ISG20L2: variants seen among roughly 807,000 people sequenced by gnomAD.
ISG20L2 encodes the protein interferon-stimulated 20 kDa exonuclease-like 2.
Under a neutral mutation model 27.8 loss-of-function variants are expected in ISG20L2, and 14 were observed. That is an observed-to-expected ratio of 0.50 (90% CI 0.33 to 0.79). The LOEUF is 0.79. ISG20L2 is among the 30% of genes least tolerant of loss of function. ISG20L2 has a pLI of 0.02. For missense variants in ISG20L2, 393 were observed against 435.1 expected (o/e 0.90, Z 0.86); for synonymous variants, 157 against 165.7 (o/e 0.95, Z 0.40).
intron 2 of ISG20L2, chr1:156,726,088 G>A (rs1648745452): frequency 1.0e-6 from 1 of 985,406 alleles, no homozygotes; most frequent in Non-Finnish European, 1.2e-6. Context: ...ACAGGGCTAG[G>A]AGTGAGATGA....
At chr1:156,728,287 C>T in intron 1 of ISG20L2, 128 bp downstream of exon 1, 3 of 985,894 alleles carry the variant, frequency 3.0e-6, no homozygotes, top group Non-Finnish European at 3.6e-6. Context: ...CCAAGTCCTT[C>T]TCCCACGCAA....
rs3806415 is a variant in ISG20L2, at chr1:156,728,473, C to T, written c.-176G>A. On this transcript the variant is annotated 5_prime_UTR_variant, in exon 1 of 4. Coordinates refer to ENST00000368219, the MANE Select transcript of ISG20L2 (RefSeq NM_001370150.2). ...CCGGAGCCGGATGCGGAAATCGGTG[C>T]GCGCCGACGAAGCCCGGGAAGGCAG... The T allele has an allele frequency of 0.31, 304,699 of 984,286 alleles. 49,050 individuals are homozygous for T. Among genetic ancestry groups the T allele is most frequent in the Non-Finnish European group, 0.33 (273,211 of 829,862 alleles). 61.0% of individuals were successfully genotyped at this position (984,286 alleles called of 1,614,324 possible). A position where few individuals can be genotyped will look rare whatever the true frequency, so the allele number is the denominator to read the frequency against.
Position 156,728,696 on chromosome 1 carries a change from A to G in ISG20L2, c.-399T>C. Reference sequence around the variant, plus strand: ...GGTGGTACAACGCGAAGGTGTGGGAAGGCCGCGATAAACCGGAACTGCAGC... The same window carrying G: ...GGTGGTACAACGCGAAGGTGTGGGAGGGCCGCGATAAACCGGAACTGCAGC... On this transcript the variant is annotated 5_prime_UTR_variant, in exon 1 of 4. Transcript: ENST00000368219. 1 of 990,572 alleles carries G rather than the reference A, an allele frequency of 1.0e-6. No individual in the cohort carries two copies. The highest frequency in any genetic ancestry group is 1.2e-6 in the Non-Finnish European group (1 of 832,744). 61.4% of individuals were successfully genotyped at this position (990,572 alleles called of 1,614,324 possible). A position where few individuals can be genotyped will look rare whatever the true frequency, so the allele number is the denominator to read the frequency against.
In ISG20L2 at chr1:156,724,482, T is replaced by G. The variant is rs537511202; in HGVS notation, c.748-134A>C. On this transcript the variant is annotated intron_variant, in intron 2 of 3. Transcript: ENST00000368219. ...GCCTACCTCTCCATCCTTGAAATGC[T>G]CACTCCCACAAGTTTTCTTTCTTCT... is the stretch of plus-strand genomic sequence containing the variant. 8.6e-6 allele frequency: 12 copies of G among 1,398,680 alleles called. No homozygotes were observed. The South Asian group carries it at 1.8e-4, about 21-fold the overall frequency. 86.6% of individuals were successfully genotyped at this position (1,398,680 alleles called of 1,614,324 possible). A position where few individuals can be genotyped will look rare whatever the true frequency, so the allele number is the denominator to read the frequency against.
Position 156,727,235 on chromosome 1 carries a change from T to C in ISG20L2, c.418A>G (p.Ser140Gly). The change falls in exon 2 of 4, where the codon AGC (serine) becomes GGC (glycine). Residue 140 changes from serine (S) to glycine (G), a missense_variant. Coordinates refer to ENST00000368219, the MANE Select transcript of ISG20L2 (RefSeq NM_001370150.2). ...NSHPTRSQKK[S>G]SQKKSSKKNH... ...TTTTTAGAGGATTTCTTCTGGGAGC[T>C]CTTCTTCTGAGAGCGGGTTGGGTGG... 6.2e-7 allele frequency: 1 copy of C among 1,614,010 alleles called. No homozygotes were observed. The highest frequency in any genetic ancestry group is 8.5e-7 in the Non-Finnish European group (1 of 1,180,024).
Position 156,727,585 on chromosome 1 carries a change from G to A in ISG20L2, c.68C>T (p.Ala23Val). The change falls in exon 2 of 4, where the codon GCC becomes GTC. Residue 23 changes from alanine to valine, a missense_variant. This residue lies in a region of ISG20L2 where 183 missense variants were observed against 168.2 expected (regional missense o/e 1.09). Coordinates refer to ENST00000368219, the MANE Select transcript of ISG20L2 (RefSeq NM_001370150.2). ...CTTCTTGACAAAATTTCGGTGCTTGGCATTTCCTTCTAATGCCTTTTTGGG... is the reference window on the plus strand; with the variant it reads ...CTTCTTGACAAAATTTCGGTGCTTGACATTTCCTTCTAATGCCTTTTTGGG... ...PPPKKALEGN[A>V]KHRNFVKKRR... 2 of 1,614,128 alleles carry A rather than the reference G, an allele frequency of 1.2e-6. No individual in the cohort carries two copies. The highest frequency in any genetic ancestry group is 1.3e-5 in the African/African-American group (1 of 75,034).
intron 1 of ISG20L2, 115 bp downstream of exon 1, chr1:156,728,300 A>C: frequency 1.0e-6 from 1 of 985,734 alleles, no homozygotes; most frequent in Non-Finnish European, 1.2e-6. Flanking sequence ...CCACGCAAGG[A>C]CCTTGACACC....
At chr1:156,726,185 C>A in intron 2 of ISG20L2, 2 of 985,430 alleles carry the variant, frequency 2.0e-6, no homozygotes, top group Non-Finnish European at 2.4e-6. Flanking sequence ...CTCCTCCTGT[C>A]AACTTTCTGC....
At chr1:156,724,549 C>T (rs1648674373) in intron 2 of ISG20L2, 2 of 1,388,514 alleles carry the variant, frequency 1.4e-6, no homozygotes, top group Non-Finnish European at 1.9e-6. Context: ...CCATGGTATA[C>T]CCTGTTTGGA....
At position 156,723,322 on chromosome 1, in the gene ISG20L2, C is replaced by G. The variant is rs770792783; in HGVS notation, c.*27G>C. The G allele has an allele frequency of 1.9e-6, 3 of 1,613,622 alleles. No homozygotes were observed. Among genetic ancestry groups the G allele is most frequent in the South Asian group, 2.2e-5 (2 of 91,060 alleles). ...TTCTCCTGGGTGCTGCCTCTGCCTCCTCATATCACCAGCGTCCCCACTGCC... is the reference window on the plus strand; with the variant it reads ...TTCTCCTGGGTGCTGCCTCTGCCTCGTCATATCACCAGCGTCCCCACTGCC... On this transcript the variant is annotated 3_prime_UTR_variant, in exon 4 of 4. Transcript: ENST00000368219.
chr1:156,726,706 G>A, intron 2 of ISG20L2, 200 bp downstream of exon 2: 1 of 985,442 alleles, frequency 1.0e-6, no homozygotes, highest in Non-Finnish European at 1.2e-6. Flanking sequence ...GACCAATGAA[G>A]TTTGTGACAC....
chr1:156,724,374 G>A (rs777135294), intron 2 of ISG20L2, 26 bp from the exon 3 acceptor site: 4 of 1,583,774 alleles, frequency 2.5e-6, no homozygotes, highest in Non-Finnish European at 3.5e-6. Context: ...GAAGAGAGTG[G>A]TGAGAAGGAA....
rs1367521159 is a variant in ISG20L2 at position 156,727,755 on chromosome 1, G to T, written c.-103C>A. The T allele has an allele frequency of 1.3e-6, 2 of 1,514,718 alleles. No homozygotes were observed. The highest frequency in any genetic ancestry group is 1.8e-6 in the Non-Finnish European group (2 of 1,142,386). The allele number at this position is 1,514,718 out of a possible 1,614,324, so 93.8% of individuals were successfully genotyped here. On this transcript the variant is annotated 5_prime_UTR_variant, in exon 2 of 4. Transcript: ENST00000368219. ...TGAATCCTACTGTCCAACATGTGGA[G>T]GTCTGTAGTACACCCTGGGGAAGAA... is the stretch of plus-strand genomic sequence containing the variant.
Position 156,727,009 on chromosome 1 carries a change from T to A in ISG20L2, c.644A>T (p.Tyr215Phe). The stretch of plus-strand genomic sequence containing the variant: ...CACAATGTGGCAGGGGGGAAGAATG[T>A]ACTCGTCATAAAGCACATCTCCGTT... ...NYNGDVLYDE[Y>F]ILPPCHIVDY... is the part of the protein sequence containing the mutation. The change falls in exon 2 of 4, where the codon TAC becomes TTC. Residue 215 changes from tyrosine (Y) to phenylalanine (F), a missense_variant. Physicochemically the swap from Tyr to Phe is conservative, Grantham distance 22. Transcript: ENST00000368219. 1.2e-6 allele frequency: 2 copies of A among 1,614,226 alleles called. No homozygotes were observed. The highest frequency in any genetic ancestry group is 2.7e-5 in the African/African-American group (2 of 75,060).
intron 1 of ISG20L2, 182 bp from the exon 2 acceptor site, chr1:156,727,951 C>G: frequency 2.7e-6 from 3 of 1,124,426 alleles, no homozygotes; most frequent in Non-Finnish European, 3.3e-6. Context: ...AGCCTGGATT[C>G]TAGTGAAGCC....
In ISG20L2 at chr1:156,727,437, C is replaced by T. The variant is rs145544568; in HGVS notation, c.216G>A (p.Lys72=). Residue 72 remains lysine, a synonymous_variant, in exon 2 of 4, where the codon AAG becomes AAA. Coordinates refer to ENST00000368219, the MANE Select transcript of ISG20L2 (RefSeq NM_001370150.2). The part of the protein sequence containing the change: ...GETPTVDGTW[K]TPSFPKKKTA... ...TCTTCTTTTTTGGGAAGGAAGGGGT[C>T]TTCCAAGTGCCATCGACCGTAGGAG... 6 of 1,613,916 alleles carry T rather than the reference C, an allele frequency of 3.7e-6. No individual in the cohort carries two copies. The African/African-American group carries it at 6.7e-5, about 18-fold the overall frequency.
rs948658590 is a variant in ISG20L2 at position 156,727,663 on chromosome 1, G to A, written c.-11C>T. ...CAGTAAAGTAGACATAGGGACAATG[G>A]AAGGCGGAAGAGTAGTTGGGAAGAG... On this transcript the variant is annotated 5_prime_UTR_variant, in exon 2 of 4. Transcript: ENST00000368219. 1.2e-6 allele frequency: 2 copies of A among 1,604,470 alleles called. No individual in the cohort carries two copies. Among genetic ancestry groups the A allele is most frequent in the South Asian group, 2.2e-5 (2 of 90,672 alleles).
At chr1:156,726,080 A>C in intron 2 of ISG20L2, 1 of 985,424 alleles carries the variant, frequency 1.0e-6, no homozygotes, top group East Asian at 1.1e-4. Context: ...TGGCCAGCAC[A>C]GGGCTAGGAG....
At chr1:156,723,610 C>CTTTGTA in intron 3 of ISG20L2, 148 bp from the exon 4 acceptor site, 2 of 1,454,830 alleles carry the variant, frequency 1.4e-6, no homozygotes, top group Non-Finnish European at 9.0e-7. Context: ...CTGGTGGGGT[C>CTTTGTA]CTACTCCTTA....
Sources: allele counts gnomAD v4.1 joint callset, GRCh38; gene constraint gnomAD v4.1.1; regional missense constraint gnomAD v4.1.1; transcripts MANE v1.5; gene names NCBI Gene and HGNC (gene_info 2026-07-23, HGNC 2026-07-21).